SRSF3: variants seen among roughly 807,000 people sequenced by gnomAD.
The protein encoded by SRSF3 is serine and arginine rich splicing factor 3, also known as serine/arginine-rich splicing factor 3.
For synonymous variants in SRSF3, 87 were observed against 73.6 expected, an observed-to-expected ratio of 1.18 and a Z score of -0.93; for missense variants, 58 against 217.1, an observed-to-expected ratio of 0.27 and a Z score of 4.61.
intron 4 of SRSF3, 195 bp downstream of exon 4, chr6:36,601,385 C>CT (rs1446536667): frequency 1.1e-5 from 7 of 631,830 alleles, no homozygotes; most frequent in Non-Finnish European, 1.9e-5. Flanking sequence ...AAGGATCTGT[C>CT]ACCCAGGCTG....
chr6:36,603,221 T>C lies in SRSF3; in HGVS notation c.*1232T>C, dbSNP rs533648025. 3 of 224,600 alleles carry C rather than the reference T, an allele frequency of 1.3e-5. No homozygotes were observed. The highest frequency in any genetic ancestry group is 6.5e-5 in the East Asian group (1 of 15,400). The allele number at this position is 224,600 out of a possible 1,614,324, so 13.9% of individuals were successfully genotyped here. ...GCTTTTATCTTTAGCATGAAAACTT[T>C]CCACAGGTCTAAAAATTGCTTCCAT... is the stretch of plus-strand genomic sequence containing the variant. On this transcript the variant is annotated 3_prime_UTR_variant, in exon 6 of 6. Coordinates refer to ENST00000373715, the MANE Select transcript of SRSF3 (RefSeq NM_003017.5).
intron 3 of SRSF3, chr6:36,600,269 CA>C (rs1160708152): frequency 1.1e-5 from 11 of 1,040,706 alleles, no homozygotes; most frequent in Non-Finnish European, 1.3e-5. Context: ...TGTTGAAACC[CA>C]AAACTAGTAA....
At chr6:36,597,604 C>T (rs1365817386) in intron 2 of SRSF3, among the ~76,000 whole-genome samples, 1 of 151,978 alleles carries the variant, frequency 6.6e-6, no homozygotes, top group African/African-American at 2.4e-5. Context: ...CCTCCATGCC[C>T]CCACCCCCCT....
chr6:36,598,236 TAAC>T (rs1009691112), intron 2 of SRSF3, among the ~76,000 whole-genome samples: 4 of 152,210 alleles, frequency 2.6e-5, no homozygotes, highest in Non-Finnish European at 5.9e-5. Flanking sequence ...TTGCAACTGT[TAAC>T]AAATTAACAT....
At position 36,604,435 on chromosome 6, in the gene SRSF3, T is replaced by G. The variant is rs1778778417; in HGVS notation, c.*2446T>G. 1 of 192,380 alleles carries G rather than the reference T, an allele frequency of 5.2e-6. No individual in the cohort carries two copies. Among genetic ancestry groups the G allele is most frequent in the African/African-American group, 2.3e-5 (1 of 43,028 alleles). The allele number at this position is 192,380 out of a possible 1,614,324, so 11.9% of individuals were successfully genotyped here. A position where few individuals can be genotyped will look rare whatever the true frequency, so the allele number is the denominator to read the frequency against. On this transcript the variant is annotated 3_prime_UTR_variant, in exon 6 of 6. Coordinates refer to ENST00000373715, the MANE Select transcript of SRSF3 (RefSeq NM_003017.5). ...ACCAGTCTGCCCAACATGGCAAGATTCACATTTCTATTAAAAGGAATATTT... is the reference window on the plus strand; with the variant it reads ...ACCAGTCTGCCCAACATGGCAAGATGCACATTTCTATTAAAAGGAATATTT...
intron 3 of SRSF3, chr6:36,600,216 TC>T (rs1778691142): frequency 3.8e-6 from 4 of 1,057,232 alleles, no homozygotes; most frequent in Non-Finnish European, 4.6e-6. Context: ...AGCAAATTCT[TC>T]CTGGCCGTCA....
At chr6:36,596,648 T>A in intron 1 of SRSF3, 113 bp from the exon 2 acceptor site, 1 of 945,320 alleles carries the variant, frequency 1.1e-6, no homozygotes, top group Admixed American at 2.3e-5. Context: ...TTTTTTTTCT[T>A]TACGTGCTAC....
Position 36,603,503 on chromosome 6 carries a change from T to A in SRSF3, c.*1514T>A, listed in dbSNP as rs541729409. On this transcript the variant is annotated 3_prime_UTR_variant, in exon 6 of 6. Transcript: ENST00000373715. The stretch of plus-strand genomic sequence containing the variant: ...TATGCGGTATTGACTGTCTTAAATA[T>A]GAAAGATAAGTCATTGCATTAAGAG... The A allele has an allele frequency of 4.4e-6, 1 of 225,444 alleles. No homozygotes were observed. The highest frequency in any genetic ancestry group is 8.8e-6 in the Non-Finnish European group (1 of 113,072). 14.0% of individuals were successfully genotyped at this position (225,444 alleles called of 1,614,324 possible).
chr6:36,594,508 A>C (rs892732704), intron 1 of SRSF3, 27 bp downstream of exon 1: 3 of 152,380 alleles, frequency 2.0e-5, no homozygotes, highest in African/African-American at 4.8e-5. Flanking sequence ...AGAGGGAATG[A>C]GGTGGAAATG....
chr6:36,602,628 G>T lies in SRSF3; in HGVS notation c.*639G>T. On this transcript the variant is annotated 3_prime_UTR_variant, in exon 6 of 6. Coordinates refer to ENST00000373715, the MANE Select transcript of SRSF3 (RefSeq NM_003017.5). Reference sequence around the variant, plus strand: ...TGGCTGTTCGTGACATTCTTTATGTGCAAATTTGTGATTTCAAAAATGTCC... The same window carrying T: ...TGGCTGTTCGTGACATTCTTTATGTTCAAATTTGTGATTTCAAAAATGTCC... 1 of 215,230 alleles carries T rather than the reference G, an allele frequency of 4.6e-6. No individual in the cohort carries two copies. Among genetic ancestry groups the T allele is most frequent in the Non-Finnish European group, 9.4e-6 (1 of 106,596 alleles). 13.3% of individuals were successfully genotyped at this position (215,230 alleles called of 1,614,324 possible). A position where few individuals can be genotyped will look rare whatever the true frequency, so the allele number is the denominator to read the frequency against.
Position 36,600,992 on chromosome 6 carries a change from C to CTTT in SRSF3, c.342-154_342-152dup, listed in dbSNP as rs1169887735. On this transcript the variant is annotated intron_variant, in intron 3 of 5. Coordinates refer to ENST00000373715, the MANE Select transcript of SRSF3 (RefSeq NM_003017.5). Reference sequence around the variant, plus strand: ...TCCTTCTGTGCCTTTTTTTTCTTTTCTTTTTTTTCTTTTTTTTTTTTTTTT... The same window carrying CTTT: ...TCCTTCTGTGCCTTTTTTTTCTTTTCTTTTTTTTTTTCTTTTTTTTTTTTTTTT... The CTTT allele has an allele frequency of 3.2e-5, 11 of 340,298 alleles. No individual in the cohort carries two copies. The South Asian group carries it at 3.4e-4, about 11-fold the overall frequency. The allele number at this position is 340,298 out of a possible 1,614,324, so 21.1% of individuals were successfully genotyped here.
rs1778751588 is a variant in SRSF3 at position 36,603,351 on chromosome 6, T to C, written c.*1362T>C. 4.4e-6 allele frequency: 1 copy of C among 224,762 alleles called. No homozygotes were observed. The highest frequency in any genetic ancestry group is 2.2e-5 in the African/African-American group (1 of 44,914). 13.9% of individuals were successfully genotyped at this position (224,762 alleles called of 1,614,324 possible). ...CAGTGCAGAATTGAATATGGAGGCA[T>C]GCATAACCTTCCTCTTAGAAAATGG... On this transcript the variant is annotated 3_prime_UTR_variant, in exon 6 of 6. Transcript: ENST00000373715.
intron 3 of SRSF3, 148 bp from the exon 4 acceptor site, chr6:36,600,992 CTTTTTTTTCTTT>C (rs1778702397): frequency 5.9e-6 from 2 of 338,966 alleles, no homozygotes; most frequent in Non-Finnish European, 9.1e-6. Flanking sequence ...TTTTTCTTTT[CTTTTTTTTCTTT>C]TTTTTTTTTT....
At chr6:36,595,716 C>T (rs866764891) in intron 1 of SRSF3, among the ~76,000 whole-genome samples, 2 of 152,110 alleles carry the variant, frequency 1.3e-5, no homozygotes, top group South Asian at 2.1e-4. Context: ...TTTGCTTATC[C>T]GTTTCTGTTG....
chr6:36,598,031 A>G (rs1296173806), intron 2 of SRSF3, among the ~76,000 whole-genome samples: 9 of 152,034 alleles, frequency 5.9e-5, no homozygotes, highest in Non-Finnish European at 1.0e-4. Context: ...TGTTGAGGGG[A>G]GAGGGTGCTG....
In SRSF3 at chr6:36,604,088, A is replaced by C. The variant is rs189473778; in HGVS notation, c.*2099A>C. On this transcript the variant is annotated 3_prime_UTR_variant, in exon 6 of 6. Transcript: ENST00000373715. The stretch of plus-strand genomic sequence containing the variant: ...GAAATTGTTAAAAGCTTTGAATTGC[A>C]CATTTAGATTGTGGCTATTAGGAAT... 4.4e-5 allele frequency: 10 copies of C among 226,654 alleles called. No homozygotes were observed. The Admixed American group carries it at 5.1e-4, about 12-fold the overall frequency. The allele number at this position is 226,654 out of a possible 1,614,324, so 14.0% of individuals were successfully genotyped here.
Position 36,597,907 on chromosome 6 carries a change from C to G in SRSF3, c.206+939C>G, listed in dbSNP as rs369284209. On this transcript the variant is annotated intron_variant, in intron 2 of 5. Coordinates refer to ENST00000373715, the MANE Select transcript of SRSF3 (RefSeq NM_003017.5). The stretch of plus-strand genomic sequence containing the variant: ...CAGACGACAGTCTGTGTTGCCCAGG[C>G]TGGCCTCAAGCTCCTGGGCTCAAGC... Among the ~76,000 whole-genome samples, 3 of 151,546 alleles carry G rather than the reference C, an allele frequency of 2.0e-5. No individual in the cohort carries two copies. In the East Asian group the frequency reaches 5.8e-4, roughly 29 times the overall value.
intron 1 of SRSF3, among the ~76,000 whole-genome samples, chr6:36,596,431 T>C (rs922829488): frequency 1.3e-5 from 2 of 152,058 alleles, no homozygotes; most frequent in African/African-American, 4.8e-5. Context: ...TTAAATGAAA[T>C]AACAGGTTAA....
chr6:36,603,926 AAAT>A lies in SRSF3; in HGVS notation c.*1942_*1944del, dbSNP rs1778767548. 2 of 223,458 alleles carry A rather than the reference AAAT, an allele frequency of 9.0e-6. No individual in the cohort carries two copies. Among genetic ancestry groups the A allele is most frequent in the African/African-American group, 2.3e-5 (1 of 44,286 alleles). The allele number at this position is 223,458 out of a possible 1,614,324, so 13.8% of individuals were successfully genotyped here. Reference sequence around the variant, plus strand: ...GTTACGGGTATAATATGGCTAAGAGAAATAATACAGAACCTGAAATAAAAGTAA... The same window carrying A: ...GTTACGGGTATAATATGGCTAAGAGAAATACAGAACCTGAAATAAAAGTAA... On this transcript the variant is annotated 3_prime_UTR_variant, in exon 6 of 6. Coordinates refer to ENST00000373715, the MANE Select transcript of SRSF3 (RefSeq NM_003017.5).
Sources: gnomAD v4.1 joint callset for allele counts (sites outside exome capture counted in the v4.1 genomes callset) on GRCh38, gnomAD v4.1.1 for gene constraint, MANE v1.5 for transcripts, NCBI Gene and HGNC (gene_info 2026-07-23, HGNC 2026-07-21) for gene names.